GUCY1A2: variants seen among roughly 807,000 people sequenced by gnomAD.
GUCY1A2 encodes guanylate cyclase soluble subunit alpha-2.
Under a neutral mutation model 63.5 loss-of-function variants are expected in GUCY1A2, and 27 were observed. That is an observed-to-expected ratio of 0.43 (90% CI 0.31 to 0.59). The LOEUF (loss-of-function observed/expected upper bound fraction) is 0.59, where lower values mean the gene tolerates loss of function less well. Ranked by LOEUF, GUCY1A2 falls within the 20% of genes least tolerant of loss-of-function variation. The pLI, the probability that GUCY1A2 is intolerant of heterozygous loss-of-function variation, is 0.11. For synonymous variants in GUCY1A2, 364 were observed against 343.5 expected, an observed-to-expected ratio of 1.06 and a Z score of -0.66; for missense variants, 768 against 913.3, an observed-to-expected ratio of 0.84 and a Z score of 2.05.
In GUCY1A2 at chr11:106,716,791, A is replaced by G. The variant is rs1362483254; in HGVS notation, c.1837-8125T>C. ...CTCAAAAAAAAAAAAAAAAAAAAAA[A>G]AAAGATAAGAGTAAATCTCAGGAAT... On this transcript the variant is annotated intron_variant, in intron 6 of 7. Coordinates refer to ENST00000526355, the MANE Select transcript of GUCY1A2 (RefSeq NM_000855.3). 2.8e-5 allele frequency among the ~76,000 whole-genome samples: 4 copies of G among 143,926 alleles called. 1 individual carries two copies. The highest frequency in any genetic ancestry group is 6.1e-5 in the Non-Finnish European group (4 of 65,844). 94.4% of individuals were successfully genotyped at this position (143,926 alleles called of 152,430 possible).
intron 4 of GUCY1A2, among the ~76,000 whole-genome samples, chr11:106,849,758 G>A (rs574866454): frequency 4.0e-5 from 6 of 151,682 alleles, no homozygotes; most frequent in Admixed American, 2.6e-4. Context: ...TTCAGCAAAA[G>A]GAGAACTAAT....
chr11:106,676,561 T>A lies in GUCY1A2; in HGVS notation c.*10988A>T. 1 of 186,558 alleles carries A rather than the reference T, an allele frequency of 5.4e-6. No individual in the cohort carries two copies. Among genetic ancestry groups the A allele is most frequent in the Middle Eastern group, 2.0e-3 (1 of 502 alleles). 11.6% of individuals were successfully genotyped at this position (186,558 alleles called of 1,614,324 possible). ...GTAGACATAAAATTGATGACAAATG[T>A]TTCCAAACCCTCAATAAGAACTCAA... On this transcript the variant is annotated 3_prime_UTR_variant, in exon 8 of 8. Coordinates refer to ENST00000526355, the MANE Select transcript of GUCY1A2 (RefSeq NM_000855.3).
At chr11:106,704,994 T>A (rs988596134) in intron 7 of GUCY1A2, among the ~76,000 whole-genome samples, 3 of 151,842 alleles carry the variant, frequency 2.0e-5, no homozygotes, top group Admixed American at 2.0e-4. Flanking sequence ...ATCATTGGGA[T>A]GATGGGAACA....
At chr11:106,942,274 T>C (rs1198154078) in intron 3 of GUCY1A2, among the ~76,000 whole-genome samples, 1 of 152,224 alleles carries the variant, frequency 6.6e-6, no homozygotes, top group Non-Finnish European at 1.5e-5. Context: ...TTTTGGCTTA[T>C]CAAACCATAC....
rs746169387 is a variant in GUCY1A2, at chr11:107,017,812, G to A, written c.244C>T (p.Arg82Trp). 43 of 1,413,598 alleles carry A rather than the reference G, an allele frequency of 3.0e-5. No individual in the cohort carries two copies. The African/African-American group carries it at 4.9e-4, about 16-fold the overall frequency. The allele number at this position is 1,413,598 out of a possible 1,614,324, so 87.6% of individuals were successfully genotyped here. The change falls in exon 1 of 8, where the codon CGG (arginine) becomes TGG (tryptophan). Residue 82 changes from arginine (R) to tryptophan (W), a missense_variant. Arg to Trp is a moderately radical substitution (Grantham distance 101, BLOSUM62 -3). Around this residue, in one of 3 missense-constraint regions of GUCY1A2, gnomAD observed 496 missense variants for 486.9 expected, o/e 1.02. Coordinates refer to ENST00000526355, the MANE Select transcript of GUCY1A2 (RefSeq NM_000855.3). ...AGCGAGTCCAGGTTGACCCGCCTCC[G>A]GCGCTGCACCCTCCTGGCCCCGGCA... is the stretch of plus-strand genomic sequence containing the variant. ...ATAGARRVQR[R>W]RRVNLDSLGE... is the part of the protein sequence containing the mutation.
At chr11:106,689,258 A>T (rs1050601932) in intron 7 of GUCY1A2, among the ~76,000 whole-genome samples, 1 of 152,166 alleles carries the variant, frequency 6.6e-6, no homozygotes, top group Admixed American at 6.6e-5. Context: ...TTATAATATG[A>T]ACAGTCTATA....
chr11:106,713,499 T>A, intron 6 of GUCY1A2, among the ~76,000 whole-genome samples: 1 of 32,782 alleles, frequency 3.1e-5, no homozygotes, highest in African/African-American at 2.2e-4. Context: ...TATGTTTCTT[T>A]TTTTTTTTTT....
chr11:106,698,119 A>ATTTTTTTTTTTTGTTTTTTTTTT (rs1862751969), intron 7 of GUCY1A2, among the ~76,000 whole-genome samples: 1 of 100,520 alleles, frequency 9.9e-6, no homozygotes, highest in African/African-American at 4.6e-5. Flanking sequence ...GAATGTTAGA[A>ATTTTTTTTTTTTGTTTTTTTTTT]TTTTTTTTTT....
chr11:106,924,993 C>A (rs771368886), intron 4 of GUCY1A2, among the ~76,000 whole-genome samples: 1 of 151,960 alleles, frequency 6.6e-6, no homozygotes, highest in Non-Finnish European at 1.5e-5. Flanking sequence ...GGTGACAGAG[C>A]AAGATCCTGT....
chr11:106,883,637 A>C (rs186458241), intron 4 of GUCY1A2, among the ~76,000 whole-genome samples: 142 of 152,308 alleles, frequency 9.3e-4, no homozygotes, highest in African/African-American at 3.2e-3. Flanking sequence ...TCTAATAATA[A>C]AATTTAGGCT....
At chr11:106,902,025 A>G (rs1384625698) in intron 4 of GUCY1A2, among the ~76,000 whole-genome samples, 1 of 152,186 alleles carries the variant, frequency 6.6e-6, no homozygotes, top group Non-Finnish European at 1.5e-5. Context: ...TATCTATGGC[A>G]GCTGTAGCCT....
intron 4 of GUCY1A2, among the ~76,000 whole-genome samples, chr11:106,885,204 T>G (rs1232235213): frequency 6.6e-6 from 1 of 152,152 alleles, no homozygotes; most frequent in Non-Finnish European, 1.5e-5. Context: ...AAAGCAATAT[T>G]GCAGAAAAAG....
intron 4 of GUCY1A2, among the ~76,000 whole-genome samples, chr11:106,842,245 T>G (rs539803698): frequency 6.6e-6 from 1 of 152,058 alleles, no homozygotes; most frequent in South Asian, 2.1e-4. Context: ...ACAGTGTTAG[T>G]GGTTCCCACC....
chr11:106,896,677 A>T (rs1860054001), intron 4 of GUCY1A2, among the ~76,000 whole-genome samples: 1 of 152,224 alleles, frequency 6.6e-6, no homozygotes, highest in Non-Finnish European at 1.5e-5. Flanking sequence ...CTTCTGCCAC[A>T]TGAGGATGCA....
At chr11:106,759,874 G>T (rs888375633) in intron 6 of GUCY1A2, among the ~76,000 whole-genome samples, 1 of 152,222 alleles carries the variant, frequency 6.6e-6, no homozygotes, top group African/African-American at 2.4e-5. Context: ...GGCGAAGCTT[G>T]CAGTGAGCAG....
chr11:106,737,057 T>G (rs1051120208), intron 6 of GUCY1A2, among the ~76,000 whole-genome samples: 1 of 152,170 alleles, frequency 6.6e-6, no homozygotes, highest in Non-Finnish European at 1.5e-5. Context: ...TTGGTACCCA[T>G]CCTAGTAGCA....
chr11:106,782,253 C>G (rs928246151), intron 5 of GUCY1A2, among the ~76,000 whole-genome samples: 1 of 152,114 alleles, frequency 6.6e-6, no homozygotes, highest in East Asian at 1.9e-4. Context: ...TCAAGAGAAG[C>G]AGCAAATTAG....
intron 1 of GUCY1A2, among the ~76,000 whole-genome samples, chr11:107,006,770 C>T (rs1861676881): frequency 6.6e-6 from 1 of 152,218 alleles, no homozygotes. Flanking sequence ...ATAGTTAATA[C>T]TCATAAGGAC....
chr11:106,751,194 C>G (rs1475563731), intron 6 of GUCY1A2, among the ~76,000 whole-genome samples: 2 of 152,050 alleles, frequency 1.3e-5, no homozygotes, highest in Non-Finnish European at 2.9e-5. Flanking sequence ...TAGTAAAGGG[C>G]AGAAATAGCT....
Sources: gnomAD v4.1 joint callset for allele counts (sites outside exome capture counted in the v4.1 genomes callset) on GRCh38, gnomAD v4.1.1 for gene constraint, gnomAD v4.1.1 regional missense constraint, MANE v1.5 for transcripts, NCBI Gene and HGNC (gene_info 2026-07-23, HGNC 2026-07-21) for gene names.